Variants in CPEB2 observed in about 807,000 individuals in gnomAD.
The protein encoded by CPEB2 is cytoplasmic polyadenylation element binding protein 2.
A neutral mutation model predicts 93.6 loss-of-function variants in CPEB2; 56 were observed. The observed-to-expected ratio is 0.60, with a 90% CI of 0.48 to 0.75. CPEB2 has a LOEUF of 0.75. Ranked by LOEUF, CPEB2 falls within the 30% of genes least tolerant of loss-of-function variation. CPEB2 has a pLI of 0.00. For synonymous variants in CPEB2, 764 were observed against 586.3 expected, an observed-to-expected ratio of 1.30 and a Z score of -4.38; for missense variants, 1,579 against 1,395.1, an observed-to-expected ratio of 1.13 and a Z score of -2.10.
intron 6 of CPEB2, 88 bp from the exon 7 acceptor site, chr4:15,052,326 G>T: frequency 1.1e-6 from 1 of 890,492 alleles, no homozygotes. Context: ...TCATTTTTAA[G>T]TCTTTGAATT....
chr4:15,026,250 G>A (rs111916307), intron 4 of CPEB2, among the ~76,000 whole-genome samples: 7,311 of 148,394 alleles, frequency 0.049, 606 homozygotes, highest in African/African-American at 0.17. Flanking sequence ...TTTTTGAGAT[G>A]GAGTCTTGCT....
chr4:15,030,857 A>C (rs4525970), intron 4 of CPEB2, among the ~76,000 whole-genome samples: 1 of 152,008 alleles, frequency 6.6e-6, no homozygotes, highest in Non-Finnish European at 1.5e-5. Flanking sequence ...GAGCCATAAT[A>C]TCAAAAGACT....
At chr4:15,046,109 TG>T (rs199778374) in intron 6 of CPEB2, among the ~76,000 whole-genome samples, 2,739 of 152,316 alleles carry the variant, frequency 0.018, 45 homozygotes, top group Admixed American at 0.033. Context: ...TCGTTTCTCT[TG>T]GATGTATAAG....
intron 4 of CPEB2, among the ~76,000 whole-genome samples, chr4:15,023,490 T>C (rs1577395205): frequency 6.6e-6 from 1 of 152,086 alleles, no homozygotes; most frequent in African/African-American, 2.4e-5. Context: ...ACTAAAATAA[T>C]CATAATTGAT....
At chr4:15,036,326 C>T (rs1194587060) in intron 5 of CPEB2, among the ~76,000 whole-genome samples, 3 of 152,094 alleles carry the variant, frequency 2.0e-5, no homozygotes, top group African/African-American at 7.2e-5. Flanking sequence ...GAATTGACTG[C>T]TGGAGACTGT....
In CPEB2 at chr4:15,068,706, A is replaced by T. The variant is rs563011354; in HGVS notation, c.*2326A>T. The T allele has an allele frequency of 6.6e-6, 1 of 152,442 alleles. No homozygotes were observed. Among genetic ancestry groups the T allele is most frequent in the South Asian group, 2.1e-4 (1 of 4,824 alleles). 9.4% of individuals were successfully genotyped at this position (152,442 alleles called of 1,614,324 possible). On this transcript the variant is annotated 3_prime_UTR_variant, in exon 12 of 12. Transcript: ENST00000538197. ...TTAAATAATGAACACAAATTATATA[A>T]TTAAAATAATTGGAGATGTTGAAAA...
At chr4:15,010,479 C>T (rs1221847761) in intron 3 of CPEB2, 1 of 152,188 alleles carries the variant, frequency 6.6e-6, no homozygotes, top group African/African-American at 2.4e-5. Flanking sequence ...TCTAAGTACC[C>T]TAAGAGTACT....
At chr4:15,047,533 T>C (rs757083558) in intron 6 of CPEB2, among the ~76,000 whole-genome samples, 8 of 152,144 alleles carry the variant, frequency 5.3e-5, no homozygotes, top group Non-Finnish European at 1.0e-4. Flanking sequence ...GGAAATGATA[T>C]TTAAAATTTT....
rs1724244870 is a variant in CPEB2, at chr4:15,017,121, G to A, written c.2035-67G>A. The A allele has an allele frequency of 2.3e-5, 19 of 818,112 alleles. No individual in the cohort carries two copies. In the South Asian group the frequency reaches 2.5e-4, roughly 11 times the overall value. 50.7% of individuals were successfully genotyped at this position (818,112 alleles called of 1,614,324 possible). A position where few individuals can be genotyped will look rare whatever the true frequency, so the allele number is the denominator to read the frequency against. On this transcript the variant is annotated intron_variant, in intron 3 of 11. Coordinates refer to ENST00000538197, the MANE Select transcript of CPEB2 (RefSeq NM_001177382.2). ...TATTTTATGTAAGAGAATTTAGATA[G>A]TGTTTTATAATCGCTTTTTGAAAAA... is the stretch of plus-strand genomic sequence containing the variant.
At chr4:15,032,853 G>A (rs935415515) in intron 4 of CPEB2, among the ~76,000 whole-genome samples, 2 of 152,024 alleles carry the variant, frequency 1.3e-5, no homozygotes, top group South Asian at 2.1e-4. Context: ...GCAAGACTAG[G>A]ATATGATAGA....
In CPEB2 at chr4:15,018,322, A is replaced by G. The variant is rs548195962; in HGVS notation, c.2125+1044A>G. 2.6e-5 allele frequency among the ~76,000 whole-genome samples: 4 copies of G among 151,716 alleles called. No individual in the cohort carries two copies. The South Asian group carries it at 8.3e-4, about 32-fold the overall frequency. On this transcript the variant is annotated intron_variant, in intron 4 of 11. Transcript: ENST00000538197. ...TCTAACTATTTTTTTCTGTTTATGG[A>G]TTTTTCTTGTAAAAAGAATTCCTTG...
intron 6 of CPEB2, among the ~76,000 whole-genome samples, chr4:15,050,251 C>T (rs1418287402): frequency 6.6e-6 from 1 of 152,084 alleles, no homozygotes; most frequent in Non-Finnish European, 1.5e-5. Flanking sequence ...TTGTGAACTG[C>T]ATGTGTGAAG....
chr4:15,006,744 C>T (rs771810080), intron 1 of CPEB2, among the ~76,000 whole-genome samples: 1 of 152,152 alleles, frequency 6.6e-6, no homozygotes, highest in Non-Finnish European at 1.5e-5. Flanking sequence ...ATAAACAATG[C>T]AGAAAAATGA....
At chr4:15,027,207 T>G (rs1352328357) in intron 4 of CPEB2, among the ~76,000 whole-genome samples, 1 of 152,174 alleles carries the variant, frequency 6.6e-6, no homozygotes, top group South Asian at 2.1e-4. Flanking sequence ...TGTTCTTTGG[T>G]GTTTCTTGGT....
intron 2 of CPEB2, 23 bp downstream of exon 2, chr4:15,007,609 C>G: frequency 7.0e-7 from 1 of 1,423,286 alleles, no homozygotes; most frequent in South Asian, 1.5e-5. Flanking sequence ...TGTAAATGAC[C>G]TTATCTCTAA....
At chr4:15,040,388 C>G in intron 5 of CPEB2, 76 bp from the exon 6 acceptor site, 1 of 1,377,846 alleles carries the variant, frequency 7.3e-7, no homozygotes, top group Admixed American at 2.0e-5. Context: ...CATAGCTTTT[C>G]GTATCAGAAA....
chr4:15,062,054 A>G (rs763818169), intron 10 of CPEB2, 25 bp from the exon 11 acceptor site: 7 of 1,560,756 alleles, frequency 4.5e-6, no homozygotes, highest in Non-Finnish European at 6.1e-6. Context: ...CTCACATTTG[A>G]TGTAAACTTC....
intron 1 of CPEB2, chr4:15,006,701 G>A (rs977102288): frequency 6.6e-6 from 1 of 152,142 alleles, no homozygotes; most frequent in African/African-American, 2.4e-5. Flanking sequence ...GACAAACTAT[G>A]CTAAAACTGG....
At chr4:15,031,238 T>C (rs893078409) in intron 4 of CPEB2, among the ~76,000 whole-genome samples, 4 of 152,124 alleles carry the variant, frequency 2.6e-5, no homozygotes, top group Non-Finnish European at 5.9e-5. Context: ...CTTATTATGC[T>C]GAACAGTGAT....
Sources: gnomAD v4.1 joint callset for allele counts (sites outside exome capture counted in the v4.1 genomes callset) on GRCh38, gnomAD v4.1.1 for gene constraint, MANE v1.5 for transcripts, NCBI Gene and HGNC (gene_info 2026-07-23, HGNC 2026-07-21) for gene names.